OR2C3: variants seen among roughly 807,000 people sequenced by gnomAD.
OR2C3 encodes the protein olfactory receptor 2C3.
For synonymous variants in OR2C3, 178 were observed against 163.4 expected (o/e 1.09, Z -0.68); for missense variants, 425 against 401.5 (o/e 1.06, Z -0.50).
At position 247,532,178 on chromosome 1, in the gene OR2C3, C is replaced by T. The variant is rs548732653; in HGVS notation, c.334G>A (p.Glu112Lys). Reference protein sequence around the residue: ...FYISHWLGATECVLLATMSYD... With the variant: ...FYISHWLGATKCVLLATMSYD... The stretch of plus-strand genomic sequence containing the variant: ...GACATGGTGGCCAGCAGGACACACT[C>T]GGTTGCCCCCAGCCAATGGGAGATA... Residue 112 changes from glutamate to lysine, a missense_variant, in exon 3 of 3, where the codon GAG becomes AAG. Coordinates refer to ENST00000641802, the MANE Select transcript of OR2C3 (RefSeq NM_198074.6). 146 of 1,614,070 alleles carry T rather than the reference C, an allele frequency of 9.0e-5. No individual in the cohort carries two copies. The highest frequency in any genetic ancestry group is 7.7e-4 in the South Asian group (70 of 91,054).
In OR2C3 at chr1:247,536,327, T is replaced by G. The variant is rs1667215870; in HGVS notation, c.-561A>C. On this transcript the variant is annotated 5_prime_UTR_variant, in exon 1 of 3. Coordinates refer to ENST00000641802, the MANE Select transcript of OR2C3 (RefSeq NM_198074.6). ...GGGGATTTTAAAGCCCTGCAAATAG[T>G]GGAAATCTCTAAGTCGGTGGTAGCA... 6.6e-6 allele frequency: 1 copy of G among 152,194 alleles called. No homozygotes were observed. 9.4% of individuals were successfully genotyped at this position (152,194 alleles called of 1,614,324 possible).
chr1:247,533,457 C>A (rs995161998), intron 2 of OR2C3, 50 bp downstream of exon 2: 3 of 152,182 alleles, frequency 2.0e-5, no homozygotes, highest in Non-Finnish European at 4.4e-5. Flanking sequence ...TCTAACTTTC[C>A]CTCCACCTTT....
rs964387963 is a variant in OR2C3 at position 247,528,072 on chromosome 1, G to T, written c.*3477C>A. ...TTGTTTCTGTTTCTTCGGTCTTTGGGTTCTAAACTGAGTAAAAAATGTCAG... is the reference window on the plus strand; with the variant it reads ...TTGTTTCTGTTTCTTCGGTCTTTGGTTTCTAAACTGAGTAAAAAATGTCAG... On this transcript the variant is annotated 3_prime_UTR_variant, in exon 3 of 3. Coordinates refer to ENST00000641802, the MANE Select transcript of OR2C3 (RefSeq NM_198074.6). The T allele has an allele frequency of 4.6e-5, 7 of 152,070 alleles. No individual in the cohort carries two copies. Among genetic ancestry groups the T allele is most frequent in the South Asian group, 2.1e-4 (1 of 4,812 alleles). The allele number at this position is 152,070 out of a possible 1,614,324, so 9.4% of individuals were successfully genotyped here. A position where few individuals can be genotyped will look rare whatever the true frequency, so the allele number is the denominator to read the frequency against.
rs1261808870 is a variant in OR2C3, at chr1:247,525,005, A to G, written c.*6544T>C. ...TGAGGTAAGATTTGCAAGTAAAACT[A>G]AAGTTACTAACAAAATCAAATGTTA... On this transcript the variant is annotated 3_prime_UTR_variant, in exon 3 of 3. Transcript: ENST00000641802. 6.6e-6 allele frequency: 1 copy of G among 152,250 alleles called. No individual in the cohort carries two copies. The highest frequency in any genetic ancestry group is 2.4e-5 in the African/African-American group (1 of 41,462). 9.4% of individuals were successfully genotyped at this position (152,250 alleles called of 1,614,324 possible).
Position 247,532,350 on chromosome 1 carries a change from C to T in OR2C3, c.162G>A (p.Val54=). Residue 54 remains valine, a synonymous_variant, in exon 3 of 3, where the codon GTG becomes GTA. Coordinates refer to ENST00000641802, the MANE Select transcript of OR2C3 (RefSeq NM_198074.6). ...GIIILVSHTD[V]HLHTPMYFFL... ...AGAAGTACATAGGTGTGTGGAGGTG[C>T]ACATCTGTATGGGAGACCAGAATGA... The T allele has an allele frequency of 1.2e-6, 2 of 1,614,066 alleles. No individual in the cohort carries two copies. The highest frequency in any genetic ancestry group is 2.7e-5 in the African/African-American group (2 of 75,028).
In OR2C3 at chr1:247,528,901, A is replaced by G. The variant is rs1305426184; in HGVS notation, c.*2648T>C. ...ATGCCCATGAGAGGGCATCCACTGC[A>G]GAGATGGATCTTGGTGGTATGGTAG... On this transcript the variant is annotated 3_prime_UTR_variant, in exon 3 of 3. Coordinates refer to ENST00000641802, the MANE Select transcript of OR2C3 (RefSeq NM_198074.6). 1 of 152,184 alleles carries G rather than the reference A, an allele frequency of 6.6e-6. No individual in the cohort carries two copies. Among genetic ancestry groups the G allele is most frequent in the East Asian group, 1.9e-4 (1 of 5,196 alleles). The allele number at this position is 152,184 out of a possible 1,614,324, so 9.4% of individuals were successfully genotyped here.
At chr1:247,535,499 A>G (rs966706329) in intron 1 of OR2C3, among the ~76,000 whole-genome samples, 8 of 152,246 alleles carry the variant, frequency 5.3e-5, no homozygotes, top group Admixed American at 6.5e-5. Flanking sequence ...CTGAAAAACA[A>G]CAGGTTAAAC....
rs1572319580 is a variant in OR2C3 at position 247,532,236 on chromosome 1, G to T, written c.276C>A (p.Thr92=). ...GGACCACACACCCTCCATAGCTTAT[G>T]GTTTTCTGTGGTCCCCAGAGGTTAG... is the stretch of plus-strand genomic sequence containing the variant. ...LLANLWGPQK[T]ISYGGCVVQF... The change falls in exon 3 of 3, where the codon ACC becomes ACA. Residue 92 remains threonine (T), a synonymous_variant. Coordinates refer to ENST00000641802, the MANE Select transcript of OR2C3 (RefSeq NM_198074.6). 2 of 1,614,102 alleles carry T rather than the reference G, an allele frequency of 1.2e-6. No homozygotes were observed. The highest frequency in any genetic ancestry group is 1.7e-6 in the Non-Finnish European group (2 of 1,180,042).
chr1:247,532,558 G>A lies in OR2C3; in HGVS notation c.-29-18C>T, dbSNP rs918845196. On this transcript the variant is annotated intron_variant, in intron 2 of 2. Coordinates refer to ENST00000641802, the MANE Select transcript of OR2C3 (RefSeq NM_198074.6). The stretch of plus-strand genomic sequence containing the variant: ...AAGGCCACCTGTGGGAAGAGCACAG[G>A]GCATACAGGGCATGAGACATGAAGC... 1 of 1,565,976 alleles carries A rather than the reference G, an allele frequency of 6.4e-7. No homozygotes were observed. The highest frequency in any genetic ancestry group is 8.7e-7 in the Non-Finnish European group (1 of 1,151,934).
chr1:247,533,353 A>G (rs1444244486), intron 2 of OR2C3, among the ~76,000 whole-genome samples, 154 bp downstream of exon 2: 1 of 152,144 alleles, frequency 6.6e-6, no homozygotes, highest in Non-Finnish European at 1.5e-5. Context: ...CCCCGCAGTT[A>G]GCCATAGAAA....
At position 247,526,938 on chromosome 1, in the gene OR2C3, AG is replaced by A. The variant is rs1305915724; in HGVS notation, c.*4610del. 5 of 456,176 alleles carry A rather than the reference AG, an allele frequency of 1.1e-5. No homozygotes were observed. Among genetic ancestry groups the A allele is most frequent in the South Asian group, 7.8e-5 (5 of 64,320 alleles). 28.3% of individuals were successfully genotyped at this position (456,176 alleles called of 1,614,324 possible). A position where few individuals can be genotyped will look rare whatever the true frequency, so the allele number is the denominator to read the frequency against. On this transcript the variant is annotated 3_prime_UTR_variant, in exon 3 of 3. Transcript: ENST00000641802. This position sits in a 1 kb window ranked among gnomAD's most constrained non-coding sequence, Gnocchi z 4.8. ...GAAAGGTCTTCTTTCACTTTCTTTCAGGATTTACTGCCTCAAGATGGTTATG... is the reference window on the plus strand; with the variant it reads ...GAAAGGTCTTCTTTCACTTTCTTTCAGATTTACTGCCTCAAGATGGTTATG...
rs375163393 is a variant in OR2C3 at position 247,533,661 on chromosome 1, A to C, written c.-184T>G. The C allele has an allele frequency of 2.0e-5, 3 of 152,326 alleles. No individual in the cohort carries two copies. The South Asian group carries it at 6.2e-4, about 32-fold the overall frequency. The allele number at this position is 152,326 out of a possible 1,614,324, so 9.4% of individuals were successfully genotyped here. A position where few individuals can be genotyped will look rare whatever the true frequency, so the allele number is the denominator to read the frequency against. On this transcript the variant is annotated 5_prime_UTR_variant, in exon 2 of 3. An upstream start codon of the reference 5' UTR is lost. Transcript: ENST00000641802. ...CCATCAGTATTAGATCATGCCCTTC[A>C]TGTTCAATCATATTTCTACATGGCT...
Position 247,531,673 on chromosome 1 carries a change from G to A in OR2C3, c.839C>T (p.Thr280Ile), listed in dbSNP as rs960619577. The part of the protein sequence containing the change: ...EQGKFIALFY[T>I]VVTPALNPLI... Reference sequence around the variant, plus strand: ...TGGGTTCAGCGCAGGAGTGACTACGGTGTAGAACAGAGCTATGAACTTGCC... The same window carrying A: ...TGGGTTCAGCGCAGGAGTGACTACGATGTAGAACAGAGCTATGAACTTGCC... Residue 280 changes from threonine to isoleucine, a missense_variant, in exon 3 of 3, where the codon ACC becomes ATC. Physicochemically the swap from Thr to Ile is moderately conservative, Grantham distance 89. Transcript: ENST00000641802. 2 of 1,614,218 alleles carry A rather than the reference G, an allele frequency of 1.2e-6. No homozygotes were observed. Among genetic ancestry groups the A allele is most frequent in the Non-Finnish European group, 1.7e-6 (2 of 1,180,042 alleles).
chr1:247,535,348 G>C (rs960647534), intron 1 of OR2C3, among the ~76,000 whole-genome samples: 3 of 152,132 alleles, frequency 2.0e-5, no homozygotes, highest in African/African-American at 7.2e-5. Context: ...CAGGGAGGTA[G>C]AGTTGAGACC....
rs1158107852 is a variant in OR2C3, at chr1:247,529,532, T to G, written c.*2017A>C. ...CCTGCAGTCACCGTAACCTGATACA[T>G]GAGTCCAGAAACCAACAAGACATGA... On this transcript the variant is annotated 3_prime_UTR_variant, in exon 3 of 3. Transcript: ENST00000641802. The G allele has an allele frequency of 6.6e-6, 1 of 152,162 alleles. No homozygotes were observed. The highest frequency in any genetic ancestry group is 2.4e-5 in the African/African-American group (1 of 41,430). 9.4% of individuals were successfully genotyped at this position (152,162 alleles called of 1,614,324 possible). A position where few individuals can be genotyped will look rare whatever the true frequency, so the allele number is the denominator to read the frequency against.
In OR2C3 at chr1:247,525,265, AGCT is replaced by A. The variant is rs1666632725; in HGVS notation, c.*6281_*6283del. 6.6e-6 allele frequency: 1 copy of A among 152,256 alleles called. No homozygotes were observed. The highest frequency in any genetic ancestry group is 1.5e-5 in the Non-Finnish European group (1 of 68,060). 9.4% of individuals were successfully genotyped at this position (152,256 alleles called of 1,614,324 possible). ...AACAATCAATCCTATGGCAGACACC[AGCT>A]GGGTGTCCTTCAATTCAGTTTTGAC... On this transcript the variant is annotated 3_prime_UTR_variant, in exon 3 of 3. Transcript: ENST00000641802.
chr1:247,534,613 A>T (rs140401691), intron 1 of OR2C3, among the ~76,000 whole-genome samples: 1 of 152,332 alleles, frequency 6.6e-6, no homozygotes, highest in East Asian at 1.9e-4. Context: ...TTTGCAAAAC[A>T]TTAATTCTAG....
intron 2 of OR2C3, 175 bp from the exon 3 acceptor site, chr1:247,532,715 A>G (rs758364765): frequency 8.7e-6 from 5 of 577,318 alleles, no homozygotes; most frequent in Non-Finnish European, 1.5e-5. Context: ...TCCCACCTCA[A>G]CTTCCTTGGT....
chr1:247,531,057 CTG>C lies in OR2C3; in HGVS notation c.*490_*491del. ...AAGAGGTTCGCCGCGGCTTCAAGGCCTGGGCCGAGCGGGGGAGCCACAGCGAG... is the reference window on the plus strand; with the variant it reads ...AAGAGGTTCGCCGCGGCTTCAAGGCCGGCCGAGCGGGGGAGCCACAGCGAG... On this transcript the variant is annotated 3_prime_UTR_variant, in exon 3 of 3. Coordinates refer to ENST00000641802, the MANE Select transcript of OR2C3 (RefSeq NM_198074.6). 1 of 159,384 alleles carries C rather than the reference CTG, an allele frequency of 6.3e-6. No individual in the cohort carries two copies. 9.9% of individuals were successfully genotyped at this position (159,384 alleles called of 1,614,324 possible).
Sources: gnomAD v4.1 joint callset for allele counts (sites outside exome capture counted in the v4.1 genomes callset) on GRCh38, gnomAD v4.1.1 for gene constraint, Gnocchi (gnomAD v3.1) non-coding constraint, MANE v1.5 for transcripts, NCBI Gene and HGNC (gene_info 2026-07-23, HGNC 2026-07-21) for gene names.